TULP1: variants seen among roughly 807,000 people sequenced by gnomAD.
TULP1 encodes the protein TUB like protein 1.
In TULP1, 50 loss-of-function variants were observed where a neutral mutation model predicts 67.1. The ratio of observed to expected loss-of-function variants is 0.75; its 90% CI spans 0.59 to 0.94. The LOEUF (loss-of-function observed/expected upper bound fraction) is 0.94, where lower values mean the gene tolerates loss of function less well. Ranked by LOEUF, TULP1 falls within the 40% of genes least tolerant of loss-of-function variation. The pLI is 0.00. For synonymous variants in TULP1, 297 were observed against 294.0 expected, an observed-to-expected ratio of 1.01 and a Z score of -0.11; for missense variants, 746 against 734.1, an observed-to-expected ratio of 1.02 and a Z score of -0.19.
chr6:35,509,299 G>A lies in TULP1; in HGVS notation c.732C>T (p.Gly244=), dbSNP rs201670161. ...CCTCCTCTTCTTCCTCCTTCCTCGC[G>A]CCTTTGGGAGTGCCTGAGCGTGGAG... ...KALKKKGTPK[G]ARKEEEEEEE... Residue 244 remains glycine, a synonymous_variant, in exon 8 of 15, where the codon GGC becomes GGT. Coordinates refer to ENST00000229771, the MANE Select transcript of TULP1 (RefSeq NM_003322.6). The A allele has an allele frequency of 4.3e-6, 7 of 1,613,852 alleles. No homozygotes were observed. In the African/African-American group the frequency reaches 8.0e-5, roughly 18 times the overall value.
rs567231445 is a variant in TULP1, at chr6:35,501,079, C to A, written c.1324-927G>T. The stretch of plus-strand genomic sequence containing the variant: ...GTGAGGATGGGGCATGCGAGTCACC[C>A]AGAGTCTCTTAAATCCTGGACTCAC... On this transcript the variant is annotated intron_variant, in intron 13 of 14. Transcript: ENST00000229771. Among the ~76,000 whole-genome samples the A allele has an allele frequency of 2.0e-5, 3 of 152,256 alleles. No individual in the cohort carries two copies. In the South Asian group the frequency reaches 6.2e-4, roughly 32 times the overall value.
chr6:35,505,790 C>T lies in TULP1; in HGVS notation c.1063G>A (p.Asp355Asn), dbSNP rs1085307806. 6.2e-6 allele frequency: 10 copies of T among 1,613,964 alleles called. No individual in the cohort carries two copies. Among genetic ancestry groups the T allele is most frequent in the Middle Eastern group, 1.6e-4 (1 of 6,084 alleles). The change falls in exon 11 of 15, where the codon GAC becomes AAC. Residue 355 changes from aspartate (D) to asparagine (N), a missense_variant. Asp to Asn is a conservative substitution (Grantham distance 23). Transcript: ENST00000229771. ...CCTCCTCGGGACAGATTGGTAGGGT[C>T]GATGGAGATGAGGTAATTGGCTGTC... is the stretch of plus-strand genomic sequence containing the variant. ...SKTANYLISI[D>N]PTNLSRGGEN...
rs756545121 is a variant in TULP1, at chr6:35,503,729, G to A, written c.1224+8C>T. The stretch of plus-strand genomic sequence containing the variant: ...CAGCCTGGCATGGGGGACAGGTGGA[G>A]TCCTCACATAGATCACAGCTGCCAG... On this transcript the variant is annotated splice_region_variant and intron_variant, in intron 12 of 14. Transcript: ENST00000229771. This position sits in a 1 kb window ranked among gnomAD's most constrained non-coding sequence, Gnocchi z 4.0. 7 of 1,611,234 alleles carry A rather than the reference G, an allele frequency of 4.3e-6. No homozygotes were observed. The highest frequency in any genetic ancestry group is 1.6e-4 in the Middle Eastern group (1 of 6,080).
intron 3 of TULP1, 108 bp from the exon 4 acceptor site, chr6:35,511,914 T>C (rs1761213580): frequency 2.4e-6 from 3 of 1,239,706 alleles, no homozygotes; most frequent in South Asian, 3.1e-5. Context: ...CTCCTCACCC[T>C]AGGGATCTCC....
chr6:35,506,168 C>T lies in TULP1; in HGVS notation c.834G>A (p.Glu278=). The T allele has an allele frequency of 1.2e-6, 2 of 1,613,548 alleles. No individual in the cohort carries two copies. The highest frequency in any genetic ancestry group is 1.7e-6 in the Non-Finnish European group (2 of 1,179,852). ...AKGKGKKKAK[E]ERAPSPPVEV... Reference sequence around the variant, plus strand: ...CCACGGGGGGAGACGGGGCCCTCTCCTCCTTCTGGGTGGGGGCAGAGGGTA... The same window carrying T: ...CCACGGGGGGAGACGGGGCCCTCTCTTCCTTCTGGGTGGGGGCAGAGGGTA... Residue 278 remains glutamate, a synonymous_variant, in exon 10 of 15, where the codon GAG becomes GAA. Coordinates refer to ENST00000229771, the MANE Select transcript of TULP1 (RefSeq NM_003322.6).
intron 11 of TULP1, chr6:35,505,385 G>C (rs548633106): frequency 3.2e-4 from 124 of 388,656 alleles, no homozygotes; most frequent in African/African-American, 2.3e-3. Flanking sequence ...GTAAATACTT[G>C]TTGAGTAGCT....
chr6:35,511,781 C>T lies in TULP1; in HGVS notation c.216G>A (p.Glu72=). 1.3e-6 allele frequency: 2 copies of T among 1,566,964 alleles called. No homozygotes were observed. The highest frequency in any genetic ancestry group is 1.7e-6 in the Non-Finnish European group (2 of 1,155,900). ...CCTGGGCTGGGTCTGGGGAAGGCTCCTCCCGCGGCCTCCCCGTCCGCCCAG... is the reference window on the plus strand; with the variant it reads ...CCTGGGCTGGGTCTGGGGAAGGCTCTTCCCGCGGCCTCCCCGTCCGCCCAG... The part of the protein sequence containing the change: ...PGAGRTGRPR[E]EPSPDPAQAR... The change falls in exon 4 of 15, where the codon GAG becomes GAA. Residue 72 remains glutamate, a synonymous_variant. Transcript: ENST00000229771.
chr6:35,501,507 C>CAAA (rs1310969353), intron 13 of TULP1, among the ~76,000 whole-genome samples: 2 of 4,624 alleles, frequency 4.3e-4, no homozygotes, highest in Admixed American at 2.8e-3. Flanking sequence ...GACTCGGTCT[C>CAAA]AGAAAAAAAA....
chr6:35,508,198 G>A (rs1211854862), intron 8 of TULP1, among the ~76,000 whole-genome samples: 1 of 152,220 alleles, frequency 6.6e-6, no homozygotes, highest in East Asian at 1.9e-4. Flanking sequence ...TCAGCTCAGG[G>A]ACAAGTGATC....
rs1183134109 is a variant in TULP1 at position 35,509,742 on chromosome 6, C to T, written c.610G>A (p.Glu204Lys). Residue 204 changes from glutamate (E) to lysine (K), a missense_variant, in exon 7 of 15, where the codon GAG (glutamate) becomes AAG (lysine). Glu to Lys is a moderately conservative substitution (Grantham distance 56, BLOSUM62 1). Around this residue, in one of 3 missense-constraint regions of TULP1, gnomAD observed 359 missense variants for 341.9 expected, o/e 1.05. Coordinates refer to ENST00000229771, the MANE Select transcript of TULP1 (RefSeq NM_003322.6). Reference protein sequence around the residue: ...MRKTKKKGSGEADKDPSGSPA... With the variant: ...MRKTKKKGSGKADKDPSGSPA... ...CTCCCTGAGGGGTCCTTGTCGGCCT[C>T]CCCAGACCCTGCATGTGTGGATGTG... 5 of 1,613,932 alleles carry T rather than the reference C, an allele frequency of 3.1e-6. No homozygotes were observed. The African/African-American group carries it at 4.0e-5, about 13-fold the overall frequency.
Position 35,505,859 on chromosome 6 carries a change from GA to G in TULP1, c.1000-7del. On this transcript the variant is annotated splice_polypyrimidine_tract_variant and splice_region_variant and intron_variant, in intron 10 of 14. Transcript: ENST00000229771. ...CTGCCAGCCAAGAGGAACACCTGGG[GA>G]AAAGGGGAGACAGGTGAGAGGATGG... The G allele has an allele frequency of 6.2e-7, 1 of 1,614,234 alleles. No homozygotes were observed. Among genetic ancestry groups the G allele is most frequent in the Non-Finnish European group, 8.5e-7 (1 of 1,180,036 alleles).
At position 35,509,764 on chromosome 6, in the gene TULP1, T is replaced by C; in HGVS notation, c.602-14A>G. On this transcript the variant is annotated splice_polypyrimidine_tract_variant and intron_variant, in intron 6 of 14. Transcript: ENST00000229771. The stretch of plus-strand genomic sequence containing the variant: ...CCTCCCCAGACCCTGCATGTGTGGA[T>C]GTGAAAGCGTCACAACCCCCACCGC... 6.2e-7 allele frequency: 1 copy of C among 1,614,118 alleles called. No homozygotes were observed.
At position 35,503,827 on chromosome 6, in the gene TULP1, G is replaced by A; in HGVS notation, c.1134C>T (p.Arg378=). The change falls in exon 12 of 15, where the codon CGC becomes CGT. Residue 378 remains arginine, a synonymous_variant. Coordinates refer to ENST00000229771, the MANE Select transcript of TULP1 (RefSeq NM_003322.6). The surrounding 1 kb of genome is among the most constrained non-coding windows in gnomAD (Gnocchi z 4.0). ...GKLRSNLLGN[R]FTVFDNGQNP... ...TCTGCCCGTTGTCAAAGACCGTGAA[G>A]CGGTTCCCCAGGAGGTTGGACCTGC... The A allele has an allele frequency of 6.2e-7, 1 of 1,611,288 alleles. No homozygotes were observed. The highest frequency in any genetic ancestry group is 8.5e-7 in the Non-Finnish European group (1 of 1,179,674).
In TULP1 at chr6:35,511,822, G is replaced by A. The variant is rs776857712; in HGVS notation, c.191-16C>T. The A allele has an allele frequency of 2.6e-6, 4 of 1,535,980 alleles. No homozygotes were observed. The highest frequency in any genetic ancestry group is 2.4e-5 in the East Asian group (1 of 41,188). ...GTCCGCCCAGCTGAGCCGAGATGCG[G>A]GGTTCAGACAGGGTCCCATCCGCGG... On this transcript the variant is annotated splice_polypyrimidine_tract_variant and intron_variant, in intron 3 of 14. Coordinates refer to ENST00000229771, the MANE Select transcript of TULP1 (RefSeq NM_003322.6).
Position 35,503,023 on chromosome 6 carries a change from C to T in TULP1, c.1323+536G>A, listed in dbSNP as rs1761001031. ...CACCATCTCGGCTTACTGCAAGCTC[C>T]GCCTCCCAGGTTCACGCCATTCTCC... On this transcript the variant is annotated intron_variant, in intron 13 of 14. Transcript: ENST00000229771. The surrounding 1 kb of genome is among the most constrained non-coding windows in gnomAD (Gnocchi z 4.0). Among the ~76,000 whole-genome samples, 1 of 152,094 alleles carries T rather than the reference C, an allele frequency of 6.6e-6. No homozygotes were observed. Among genetic ancestry groups the T allele is most frequent in the African/African-American group, 2.4e-5 (1 of 41,412 alleles).
rs1410588690 is a variant in TULP1, at chr6:35,498,040, G to A, written c.*287C>T. ...ACTGCTCCCGGACAGGAAGTGACTG[G>A]GGCGCGGGGAGGAGGGGGGCACAGC... On this transcript the variant is annotated 3_prime_UTR_variant, in exon 15 of 15. Coordinates refer to ENST00000229771, the MANE Select transcript of TULP1 (RefSeq NM_003322.6). This position sits in a 1 kb window ranked among gnomAD's most constrained non-coding sequence, Gnocchi z 6.7. The A allele has an allele frequency of 3.5e-6, 2 of 575,884 alleles. No individual in the cohort carries two copies. Among genetic ancestry groups the A allele is most frequent in the Non-Finnish European group, 6.2e-6 (2 of 322,776 alleles). 35.7% of individuals were successfully genotyped at this position (575,884 alleles called of 1,614,324 possible).
intron 10 of TULP1, 61 bp downstream of exon 10, chr6:35,505,942 T>C: frequency 6.2e-7 from 1 of 1,614,082 alleles, no homozygotes; most frequent in African/African-American, 1.3e-5. Flanking sequence ...GGCCCGTTTG[T>C]CCCGTGGCCC....
intron 11 of TULP1, among the ~76,000 whole-genome samples, chr6:35,504,422 T>C (rs1012316365): frequency 6.6e-6 from 1 of 152,158 alleles, no homozygotes; most frequent in Non-Finnish European, 1.5e-5. Flanking sequence ...CTCTTACTAT[T>C]ACTAGCTGTG....
intron 8 of TULP1, among the ~76,000 whole-genome samples, chr6:35,507,256 A>G (rs1178636781): frequency 6.6e-6 from 1 of 151,066 alleles, no homozygotes; most frequent in Non-Finnish European, 1.5e-5. Flanking sequence ...AGGTCCCTGT[A>G]GGAAGGAACT....
Sources: allele counts gnomAD v4.1 joint callset (sites outside exome capture counted in the v4.1 genomes callset), GRCh38; gene constraint gnomAD v4.1.1; regional missense constraint gnomAD v4.1.1; non-coding constraint Gnocchi (gnomAD v3.1); transcripts MANE v1.5; gene names NCBI Gene and HGNC (gene_info 2026-07-23, HGNC 2026-07-21).